TENM3: variants seen among roughly 807,000 people sequenced by gnomAD.
TENM3 encodes teneurin-3.
Under a neutral mutation model 255.1 loss-of-function variants are expected in TENM3, and 63 were observed. The observed-to-expected ratio is 0.25, with a 90% CI of 0.20 to 0.30. The LOEUF is 0.30. Ranked by LOEUF, TENM3 falls within the 10% of genes least tolerant of loss-of-function variation. TENM3 has a pLI of 1.00. For missense variants in TENM3, 2,929 were observed against 3,461.1 expected (o/e 0.85, Z 3.86); for synonymous variants, 1,306 against 1,322.3 (o/e 0.99, Z 0.27).
At chr4:182,140,540 C>A (rs1273971681), upstream of TENM3, among the ~76,000 whole-genome samples, 1 of 152,286 alleles carries the variant, frequency 6.6e-6, no homozygotes, top group Non-Finnish European at 1.5e-5. Context: ...TTTGCTAAAG[C>A]AGATGTAATA....
At chr4:182,335,311 T>TC (rs374660455) in intron 2 of TENM3, among the ~76,000 whole-genome samples, 1 of 72,864 alleles carries the variant, frequency 1.4e-5, no homozygotes, top group African/African-American at 5.1e-5. Flanking sequence ...ATCCTGTGAA[T>TC]GGTGAAACCC....
intron 2 of TENM3, among the ~76,000 whole-genome samples, chr4:182,342,354 C>T (rs1193911051): frequency 2.0e-5 from 3 of 151,570 alleles, no homozygotes; most frequent in African/African-American, 7.3e-5. Context: ...ACTTTGAAAA[C>T]ATTATTCTAA....
Position 182,657,393 on chromosome 4 carries a change from C to G in TENM3, c.1111+3500C>G, listed in dbSNP as rs1011227264. ...AATAGAAACTTGCAAGGGGAGCTCTCATTTTCTGTAAACACATCTTTATTC... is the reference window on the plus strand; with the variant it reads ...AATAGAAACTTGCAAGGGGAGCTCTGATTTTCTGTAAACACATCTTTATTC... On this transcript the variant is annotated intron_variant, in intron 6 of 27. Coordinates refer to ENST00000511685, the MANE Select transcript of TENM3 (RefSeq NM_001080477.4). 3.9e-5 allele frequency among the ~76,000 whole-genome samples: 6 copies of G among 152,262 alleles called. No individual in the cohort carries two copies. In the South Asian group the frequency reaches 6.2e-4, roughly 16 times the overall value.
At position 182,413,145 on chromosome 4, in the gene TENM3, A is replaced by T. The variant is rs555759853; in HGVS notation, c.511+66216A>T. ...GAAATGATAGTCTACAAAGTATAAT[A>T]TGAACATCAGAAGGAGCCAGTTACA... On this transcript the variant is annotated intron_variant, in intron 3 of 27. Coordinates refer to ENST00000511685, the MANE Select transcript of TENM3 (RefSeq NM_001080477.4). Among the ~76,000 whole-genome samples the T allele has an allele frequency of 2.6e-4, 39 of 152,250 alleles. No individual in the cohort carries two copies. In the South Asian group the frequency reaches 6.4e-3, roughly 25 times the overall value.
rs1765207982 is a variant in TENM3, at chr4:182,351,935, G to A, written c.511+5006G>A. Among the ~76,000 whole-genome samples, 3 of 152,190 alleles carry A rather than the reference G, an allele frequency of 2.0e-5. No homozygotes were observed. In the South Asian group the frequency reaches 6.2e-4, roughly 32 times the overall value. On this transcript the variant is annotated intron_variant, in intron 3 of 27. Coordinates refer to ENST00000511685, the MANE Select transcript of TENM3 (RefSeq NM_001080477.4). ...TGCTTACAAAACTCCCTGACATCTA[G>A]TGAGTTCCGAATAAGTGTGTGCCCT...
In TENM3 at chr4:182,232,451, C is replaced by T. The variant is rs145295109; in HGVS notation, c.-76+87697C>T. On this transcript the variant is annotated intron_variant, in intron 1 of 2. Transcript: ENST00000512480. ...CATTAAAGACATATATACGGACAAA[C>T]GCGTTGGCTCACACCTGTAATCCCA... is the stretch of plus-strand genomic sequence containing the variant. 2.7e-3 allele frequency among the ~76,000 whole-genome samples: 406 copies of T among 152,292 alleles called. 2 individuals carry two copies. Among genetic ancestry groups the T allele is most frequent in the African/African-American group, 9.4e-3 (391 of 41,570 alleles).
At chr4:181,852,535 G>A in the TENM3 span, among the ~76,000 whole-genome samples, 1 of 152,156 alleles carries the variant, frequency 6.6e-6, no homozygotes. Context: ...GGGGTTTTAT[G>A]GTGAGGTACC....
chr4:182,078,889 G>A, the TENM3 span, among the ~76,000 whole-genome samples: 3 of 152,178 alleles, frequency 2.0e-5, no homozygotes, highest in African/African-American at 7.2e-5. Flanking sequence ...ATGTTGGAAG[G>A]AAGAGAGAGT....
intron 1 of TENM3, among the ~76,000 whole-genome samples, chr4:182,171,686 A>G (rs747779688): frequency 4.0e-4 from 61 of 152,352 alleles, no homozygotes; most frequent in Non-Finnish European, 6.5e-4. Flanking sequence ...TTTCCACACC[A>G]AAGACTATGG....
intron 1 of TENM3, among the ~76,000 whole-genome samples, chr4:182,206,141 GT>G (rs544853552): frequency 8.3e-4 from 126 of 152,196 alleles, no homozygotes; most frequent in African/African-American, 2.9e-3. Context: ...CTGTGTAAGT[GT>G]TAAAAATGTT....
chr4:181,812,276 T>C, the TENM3 span, among the ~76,000 whole-genome samples: 1 of 152,210 alleles, frequency 6.6e-6, no homozygotes, highest in Non-Finnish European at 1.5e-5. Context: ...TAAACTTTTT[T>C]CCTCCTAATA....
chr4:182,754,546 G>A lies in TENM3; in HGVS notation c.4179G>A (p.Val1393=). ...HCQVPGVEYP[V]GKHAVQTTLE... is the part of the protein sequence containing the mutation. ...AGGTTCCCGGAGTGGAATATCCTGT[G>A]GGGAAGCACGCGGTGCAGACAACAC... Residue 1393 remains valine (V), a synonymous_variant, in exon 22 of 28, where the codon GTG becomes GTA. Coordinates refer to ENST00000511685, the MANE Select transcript of TENM3 (RefSeq NM_001080477.4). This position sits in a 1 kb window ranked among gnomAD's most constrained non-coding sequence, Gnocchi z 5.1. The A allele has an allele frequency of 6.2e-7, 1 of 1,613,954 alleles. No individual in the cohort carries two copies. Among genetic ancestry groups the A allele is most frequent in the Non-Finnish European group, 8.5e-7 (1 of 1,179,864 alleles).
At chr4:182,606,523 C>CAA (rs746315807) in intron 4 of TENM3, among the ~76,000 whole-genome samples, 233 of 51,374 alleles carry the variant, frequency 4.5e-3, no homozygotes, top group Middle Eastern at 9.6e-3. Flanking sequence ...GACTCTGTCT[C>CAA]AAAAAAAAAA....
intron 1 of TENM3, among the ~76,000 whole-genome samples, chr4:182,273,602 T>G (rs915409809): frequency 6.6e-6 from 1 of 152,226 alleles, no homozygotes; most frequent in African/African-American, 2.4e-5. Context: ...CGCATTTCAT[T>G]GATACATGCT....
At chr4:182,264,026 C>CT (rs1561259095) in intron 1 of TENM3, among the ~76,000 whole-genome samples, 7 of 152,202 alleles carry the variant, frequency 4.6e-5, no homozygotes, top group Non-Finnish European at 7.3e-5. Flanking sequence ...AAAGGGAACC[C>CT]AGAAGCCTGG....
At chr4:182,402,716 T>C (rs1464847020) in intron 3 of TENM3, among the ~76,000 whole-genome samples, 1 of 152,178 alleles carries the variant, frequency 6.6e-6, no homozygotes, top group Admixed American at 6.5e-5. Flanking sequence ...ACAACTACAA[T>C]GTGAACAAAG....
chr4:181,513,165 T>G, the TENM3 span, among the ~76,000 whole-genome samples: 22 of 152,304 alleles, frequency 1.4e-4, no homozygotes, highest in East Asian at 4.1e-3. Flanking sequence ...TTTTGAGTCA[T>G]TTAGCCTATA....
intron 3 of TENM3, among the ~76,000 whole-genome samples, chr4:182,480,053 G>A (rs1734046947): frequency 6.6e-6 from 1 of 151,850 alleles, no homozygotes; most frequent in South Asian, 2.1e-4. Flanking sequence ...GATAGCAACA[G>A]GAAGTATTTG....
At chr4:182,122,265 C>G in the TENM3 span, among the ~76,000 whole-genome samples, 1 of 152,124 alleles carries the variant, frequency 6.6e-6, no homozygotes, top group Admixed American at 6.5e-5. Flanking sequence ...TAATGTTGAC[C>G]TCCTCCCATG....
Sources: allele counts gnomAD v4.1 joint callset (sites outside exome capture counted in the v4.1 genomes callset), GRCh38; gene constraint gnomAD v4.1.1; non-coding constraint Gnocchi (gnomAD v3.1); transcripts MANE v1.5; gene names NCBI Gene and HGNC (gene_info 2026-07-23, HGNC 2026-07-21).